Variants in RGS8 observed in about 807,000 individuals in gnomAD.
RGS8 encodes the protein regulator of G protein signaling 8, also known as regulator of G-protein signaling 8.
Under a neutral mutation model 21.7 loss-of-function variants are expected in RGS8, and 8 were observed. That is an observed-to-expected ratio of 0.37 (90% CI 0.22 to 0.66). The LOEUF (loss-of-function observed/expected upper bound fraction) is 0.66, where lower values mean the gene tolerates loss of function less well. Among genes scored for constraint, RGS8 ranks in the 30% least tolerant of loss-of-function variants. The pLI, the probability that RGS8 is intolerant of heterozygous loss-of-function variation, is 0.59. For missense variants in RGS8, 157 were observed against 217.9 expected, an observed-to-expected ratio of 0.72 and a Z score of 1.76; for synonymous variants, 80 against 83.6, an observed-to-expected ratio of 0.96 and a Z score of 0.24.
chr1:182,741,196 C>T, the RGS8 span, among the ~76,000 whole-genome samples: 1 of 144,774 alleles, frequency 6.9e-6, no homozygotes, highest in Middle Eastern at 3.8e-3. Context: ...GACCCCCCCA[C>T]CTCCCTCCTG....
upstream of RGS8, chr1:182,672,008 G>C: frequency 1.9e-6 from 2 of 1,031,526 alleles, no homozygotes; most frequent in Non-Finnish European, 2.6e-6. Flanking sequence ...TGCAGAAGGT[G>C]CCCCTGAGCT....
chr1:182,721,023 ATATG>A, the RGS8 span, among the ~76,000 whole-genome samples: 1 of 86,972 alleles, frequency 1.1e-5, no homozygotes, highest in African/African-American at 4.8e-5. Flanking sequence ...ATACACATAT[ATATG>A]TGTGTATATA....
At chr1:182,650,627 G>A (rs1387077317) in intron 5 of RGS8, among the ~76,000 whole-genome samples, 2 of 152,194 alleles carry the variant, frequency 1.3e-5, no homozygotes, top group Non-Finnish European at 2.9e-5. Flanking sequence ...TTGGGAGGCT[G>A]AGGTGAACAG....
the RGS8 span, among the ~76,000 whole-genome samples, chr1:182,707,357 C>T: frequency 2.1e-4 from 32 of 152,302 alleles, no homozygotes; most frequent in Middle Eastern, 3.4e-3. Flanking sequence ...CTGCAGCCAA[C>T]AGTGGTTTGA....
chr1:182,657,085 C>T (rs1012407464), intron 5 of RGS8, among the ~76,000 whole-genome samples: 3 of 151,830 alleles, frequency 2.0e-5, no homozygotes, highest in Non-Finnish European at 4.4e-5. Context: ...CCACTTGTTC[C>T]CCCACCCACC....
the RGS8 span, among the ~76,000 whole-genome samples, chr1:182,743,128 A>G: frequency 6.6e-6 from 1 of 152,188 alleles, no homozygotes. Flanking sequence ...TTCAAAGGGA[A>G]AAGCAATATG....
At chr1:182,667,023 C>T (rs775309636) in intron 3 of RGS8, 50 bp from the exon 5 acceptor site, 7 of 1,458,348 alleles carry the variant, frequency 4.8e-6, no homozygotes, top group Non-Finnish European at 6.7e-6. Flanking sequence ...ATGATCACAG[C>T]TGTCAGCTCT....
chr1:182,701,250 A>C, the RGS8 span, among the ~76,000 whole-genome samples: 1 of 152,206 alleles, frequency 6.6e-6, no homozygotes, highest in Non-Finnish European at 1.5e-5. Context: ...AGGAAACCTC[A>C]TTGGGCAGCA....
chr1:182,666,945 A>G, exon 4 of RGS8: 1 of 1,614,160 alleles, frequency 6.2e-7, no homozygotes, highest in Non-Finnish European at 8.5e-7. Context: ...TGAGACAGGC[A>G]TCCCAGTCGA....
chr1:182,663,065 T>C (rs585983), intron 5 of RGS8, among the ~76,000 whole-genome samples: 8,076 of 152,222 alleles, frequency 0.053, 716 homozygotes, highest in African/African-American at 0.18. Flanking sequence ...AACATTTTTT[T>C]TGGAGCCCAG....
the RGS8 span, among the ~76,000 whole-genome samples, chr1:182,698,997 C>A: frequency 3.4e-4 from 51 of 152,170 alleles, no homozygotes; most frequent in African/African-American, 1.2e-3. Flanking sequence ...AAAATAGAGC[C>A]CAGAGAGGCA....
At chr1:182,649,067 T>C (rs1662856696) in intron 5 of RGS8, among the ~76,000 whole-genome samples, 2 of 151,834 alleles carry the variant, frequency 1.3e-5, no homozygotes, top group African/African-American at 2.4e-5. Context: ...GCCACTACAC[T>C]CCAGCCTGGG....
the RGS8 span, among the ~76,000 whole-genome samples, chr1:182,691,182 T>G: frequency 2.0e-5 from 3 of 152,186 alleles, no homozygotes; most frequent in Non-Finnish European, 4.4e-5. Flanking sequence ...CTCACAGAAT[T>G]ATGACCTAAT....
intron 1 of RGS8, among the ~76,000 whole-genome samples, chr1:182,681,477 T>C (rs1664532710): frequency 2.0e-5 from 3 of 152,228 alleles, no homozygotes; most frequent in Non-Finnish European, 4.4e-5. Context: ...ATGGCTTTCA[T>C]GTCCTCACTC....
chr1:182,672,386 G>A, upstream of RGS8: 1 of 257,338 alleles, frequency 3.9e-6, no homozygotes, highest in South Asian at 5.6e-5. Flanking sequence ...TACAGGGCAG[G>A]TCACACATCT....
chr1:182,745,179 C>T, the RGS8 span, among the ~76,000 whole-genome samples: 13 of 152,250 alleles, frequency 8.5e-5, no homozygotes, highest in Admixed American at 7.8e-4. Flanking sequence ...GACCAAAATA[C>T]AACAAAAATC....
At chr1:182,713,151 G>A in the RGS8 span, among the ~76,000 whole-genome samples, 1 of 152,086 alleles carries the variant, frequency 6.6e-6, no homozygotes, top group African/African-American at 2.4e-5. Context: ...ATATTTCCCT[G>A]CTGTTAACAA....
At chr1:182,736,145 A>C in the RGS8 span, among the ~76,000 whole-genome samples, 1 of 152,234 alleles carries the variant, frequency 6.6e-6, no homozygotes, top group Non-Finnish European at 1.5e-5. Context: ...TGCCATAAAT[A>C]GGAAGTTACC....
chr1:182,732,626 A>G, the RGS8 span, among the ~76,000 whole-genome samples: 1 of 152,236 alleles, frequency 6.6e-6, no homozygotes, highest in Non-Finnish European at 1.5e-5. Flanking sequence ...TGAGGGGCAG[A>G]AAACTTAAGT....
Sources: gnomAD v4.1 joint callset for allele counts (sites outside exome capture counted in the v4.1 genomes callset) on GRCh38, gnomAD v4.1.1 for gene constraint, MANE v1.5 for transcripts, NCBI Gene and HGNC (gene_info 2026-07-23, HGNC 2026-07-21) for gene names.